ARHGAP10: variants seen among roughly 807,000 people sequenced by gnomAD.
ARHGAP10 encodes Rho GTPase activating protein 10, also known as rho GTPase-activating protein 10.
Under a neutral mutation model 108.6 loss-of-function variants are expected in ARHGAP10, and 87 were observed. The ratio of observed to expected loss-of-function variants is 0.80; its 90% confidence interval spans 0.67 to 0.96. The LOEUF is 0.96. Ranked by LOEUF, ARHGAP10 falls within the 40% of genes least tolerant of loss-of-function variation. ARHGAP10 has a pLI of 0.00. For synonymous variants in ARHGAP10, 347 were observed against 341.1 expected (o/e 1.02, Z -0.19); for missense variants, 939 against 954.5 (o/e 0.98, Z 0.21).
chr4:147,942,949 G>A (rs576639348), intron 14 of ARHGAP10, among the ~76,000 whole-genome samples: 4 of 152,198 alleles, frequency 2.6e-5, no homozygotes, highest in Admixed American at 1.3e-4. Context: ...AAGACAGGGC[G>A]CACAGATTTG....
chr4:147,783,566 TTG>T (rs1730659120), intron 1 of ARHGAP10, among the ~76,000 whole-genome samples: 1 of 145,236 alleles, frequency 6.9e-6, no homozygotes, highest in Admixed American at 6.8e-5. Context: ...ACACATTAAA[TTG>T]TGTATTGTAT....
chr4:147,946,565 C>T, intron 14 of ARHGAP10, 52 bp from the exon 15 acceptor site: 1 of 1,509,296 alleles, frequency 6.6e-7, no homozygotes, highest in Non-Finnish European at 9.1e-7. Flanking sequence ...GACAAGAGGA[C>T]CTTTGATGAT....
intron 3 of ARHGAP10, among the ~76,000 whole-genome samples, chr4:147,826,541 A>G (rs1404941654): frequency 6.6e-6 from 1 of 152,210 alleles, no homozygotes; most frequent in Non-Finnish European, 1.5e-5. Flanking sequence ...CAACCACGGA[A>G]TTAACAGGAC....
chr4:147,889,225 T>C (rs1342913782), intron 10 of ARHGAP10, among the ~76,000 whole-genome samples: 1 of 152,224 alleles, frequency 6.6e-6, no homozygotes, highest in East Asian at 1.9e-4. Context: ...TCAAGAAAAA[T>C]AAACCTAACT....
intron 4 of ARHGAP10, among the ~76,000 whole-genome samples, chr4:147,855,323 T>A (rs1734038850): frequency 6.6e-6 from 1 of 152,224 alleles, no homozygotes; most frequent in South Asian, 2.1e-4. Context: ...TAGTGGACAT[T>A]TTTAGGTAAT....
intron 1 of ARHGAP10, among the ~76,000 whole-genome samples, chr4:147,777,606 G>A (rs1730351907): frequency 6.6e-6 from 1 of 152,108 alleles, no homozygotes; most frequent in Admixed American, 6.5e-5. Flanking sequence ...AAGGCTTAAA[G>A]ATATAACCTT....
intron 10 of ARHGAP10, among the ~76,000 whole-genome samples, chr4:147,904,004 C>T (rs549964173): frequency 3.9e-5 from 6 of 152,162 alleles, no homozygotes; most frequent in Non-Finnish European, 7.3e-5. Flanking sequence ...CTGTGTCCTA[C>T]AGTAAAAATG....
chr4:147,790,019 A>G (rs1363893301), intron 1 of ARHGAP10, among the ~76,000 whole-genome samples: 7 of 143,544 alleles, frequency 4.9e-5, no homozygotes, highest in Non-Finnish European at 9.0e-5. Flanking sequence ...TTTTTTTTAA[A>G]TCCTAGTCTC....
At chr4:147,874,330 G>A (rs1249254316) in intron 7 of ARHGAP10, among the ~76,000 whole-genome samples, 2 of 152,174 alleles carry the variant, frequency 1.3e-5, no homozygotes, top group Non-Finnish European at 2.9e-5. Context: ...TGCTAATTCT[G>A]TCACTTCACC....
At chr4:147,898,488 T>C (rs1238622381) in intron 10 of ARHGAP10, among the ~76,000 whole-genome samples, 2 of 152,016 alleles carry the variant, frequency 1.3e-5, no homozygotes, top group South Asian at 2.1e-4. Flanking sequence ...CAGGGTTCCA[T>C]TGAGGTTCTT....
intron 3 of ARHGAP10, among the ~76,000 whole-genome samples, chr4:147,835,412 G>T (rs779921047): frequency 6.6e-6 from 1 of 151,270 alleles, no homozygotes; most frequent in Admixed American, 6.6e-5. Context: ...TTGCTCTGTC[G>T]CCCAGGCTGG....
chr4:147,765,347 G>T lies in ARHGAP10; in HGVS notation c.154+32892G>T, dbSNP rs867853534. Among the ~76,000 whole-genome samples, 709 of 143,720 alleles carry T rather than the reference G, an allele frequency of 4.9e-3. 21 individuals are homozygous for T. The highest frequency in any genetic ancestry group is 0.018 in the African/African-American group (685 of 38,376). The allele number at this position is 143,720 out of a possible 152,430, so 94.3% of individuals were successfully genotyped here. A position where few individuals can be genotyped will look rare whatever the true frequency, so the allele number is the denominator to read the frequency against. ...TGGTGTGTGTGTGTGTGGGGGGGGG[G>T]GTGTGAGTGTGTGTATTTCAATGTG... On this transcript the variant is annotated intron_variant, in intron 1 of 22. Transcript: ENST00000336498.
chr4:147,789,294 TTTTA>T (rs1731016989), intron 1 of ARHGAP10, among the ~76,000 whole-genome samples: 1 of 152,230 alleles, frequency 6.6e-6, no homozygotes, highest in Non-Finnish European at 1.5e-5. Flanking sequence ...TTTCCACATA[TTTTA>T]TTTATGTTTG....
chr4:147,928,740 A>G (rs972389810), intron 13 of ARHGAP10, among the ~76,000 whole-genome samples: 1 of 152,206 alleles, frequency 6.6e-6, no homozygotes, highest in East Asian at 1.9e-4. Context: ...TTTTATGAAA[A>G]TGGGCTTATA....
chr4:148,026,990 A>T (rs1018847550), intron 19 of ARHGAP10, among the ~76,000 whole-genome samples: 1 of 152,210 alleles, frequency 6.6e-6, no homozygotes, highest in African/African-American at 2.4e-5. Context: ...AATCTCTTAC[A>T]TAAAGAGGGG....
chr4:147,783,426 TTATG>T (rs1289508355), intron 1 of ARHGAP10, among the ~76,000 whole-genome samples: 1 of 139,108 alleles, frequency 7.2e-6, no homozygotes, highest in Non-Finnish European at 1.5e-5. Flanking sequence ...ACACATTAAA[TTATG>T]TATTGTATAA....
At chr4:147,882,821 C>T (rs998796419) in intron 10 of ARHGAP10, among the ~76,000 whole-genome samples, 1 of 152,126 alleles carries the variant, frequency 6.6e-6, no homozygotes, top group Admixed American at 6.6e-5. Context: ...ATTTCTATGT[C>T]CTCCAGTAGC....
intron 15 of ARHGAP10, among the ~76,000 whole-genome samples, chr4:147,953,068 CATTG>C (rs1738670194): frequency 6.6e-6 from 1 of 151,728 alleles, no homozygotes; most frequent in Non-Finnish European, 1.5e-5. Context: ...TGGTGAAGTA[CATTG>C]ATTTTTTTTT....
At chr4:147,900,409 T>A (rs1278559940) in intron 10 of ARHGAP10, among the ~76,000 whole-genome samples, 1 of 152,214 alleles carries the variant, frequency 6.6e-6, no homozygotes, top group Non-Finnish European at 1.5e-5. Context: ...AGATAATAAT[T>A]AGGGTTTTAG....
Sources: allele counts gnomAD v4.1 joint callset (sites outside exome capture counted in the v4.1 genomes callset), GRCh38; gene constraint gnomAD v4.1.1; transcripts MANE v1.5; gene names NCBI Gene and HGNC (gene_info 2026-07-23, HGNC 2026-07-21).